Variants in SHISA7 observed in about 807,000 individuals in gnomAD.
SHISA7 encodes the protein protein shisa-7.
Under a neutral mutation model 23.9 loss-of-function variants are expected in SHISA7, and 6 were observed. That is an observed-to-expected ratio of 0.25 (90% CI 0.14 to 0.50). The LOEUF (loss-of-function observed/expected upper bound fraction) is 0.50. Among genes scored for constraint, SHISA7 ranks in the 20% least tolerant of loss-of-function variants. SHISA7 has a pLI of 0.98. For synonymous variants in SHISA7, 386 were observed against 398.3 expected (o/e 0.97, Z 0.37); for missense variants, 671 against 801.1 (o/e 0.84, Z 1.96).
At chr19:55,440,202 G>C (rs1210841741) in intron 2 of SHISA7, among the ~76,000 whole-genome samples, 2 of 152,156 alleles carry the variant, frequency 1.3e-5, no homozygotes, top group Non-Finnish European at 2.9e-5. Flanking sequence ...GCCCACAGAG[G>C]TGAGGTCACT....
At chr19:55,437,473 C>T in intron 3 of SHISA7, 132 bp downstream of exon 3, 1 of 1,207,520 alleles carries the variant, frequency 8.3e-7, no homozygotes, top group Non-Finnish European at 1.1e-6. Context: ...AATTCCAGAA[C>T]GAACTTGGAG....
At chr19:55,434,849 GCGTGT>G (rs1985370149) in intron 3 of SHISA7, among the ~76,000 whole-genome samples, 3 of 95,030 alleles carry the variant, frequency 3.2e-5, no homozygotes, top group East Asian at 3.5e-4. Context: ...GTGTGTGTGT[GCGTGT>G]GTGTATATGT....
rs1341889613 is a variant in SHISA7, at chr19:55,442,196, G to C, written c.668C>G (p.Pro223Arg). The part of the protein sequence containing the change: ...APRAHRDINV[P>R]RALVDILRHQ... ...TCCCGCCCGAGAGCACACGCACCTGGGCACGTTGATATCCCGGTGCGCCCG... is the reference window on the plus strand; with the variant it reads ...TCCCGCCCGAGAGCACACGCACCTGCGCACGTTGATATCCCGGTGCGCCCG... Residue 223 changes from proline (P) to arginine (R), a missense_variant, in exon 1 of 4, where the codon CCC becomes CGC. By Grantham distance (103) the Pro-to-Arg change is moderately radical (BLOSUM62 -2). Around this residue, in one of 5 missense-constraint regions of SHISA7, gnomAD observed 457 missense variants for 488.3 expected, o/e 0.94. Coordinates refer to ENST00000376325, the MANE Select transcript of SHISA7 (RefSeq NM_001145176.2). 1 of 1,533,274 alleles carries C rather than the reference G, an allele frequency of 6.5e-7. No individual in the cohort carries two copies. The highest frequency in any genetic ancestry group is 1.2e-5 in the South Asian group (1 of 83,938). The allele number at this position is 1,533,274 out of a possible 1,614,324, so 95.0% of individuals were successfully genotyped here.
At position 55,433,316 on chromosome 19, in the gene SHISA7, G is replaced by C. The variant is rs532701898; in HGVS notation, c.1457C>G (p.Pro486Arg). 2 of 1,482,772 alleles carry C rather than the reference G, an allele frequency of 1.3e-6. No individual in the cohort carries two copies. Among genetic ancestry groups the C allele is most frequent in the Non-Finnish European group, 8.9e-7 (1 of 1,125,150 alleles). The allele number at this position is 1,482,772 out of a possible 1,614,324, so 91.9% of individuals were successfully genotyped here. A position where few individuals can be genotyped will look rare whatever the true frequency, so the allele number is the denominator to read the frequency against. ...GGCGTCGGACATCCAGGCCGGCTGC[G>C]GCGAGCCGTGCAGGGCGTGGTGGTG... ...AHHHHALHGSPQPAWMSDAGG... is the reference protein window; with the variant it reads ...AHHHHALHGSRQPAWMSDAGG... The change falls in exon 4 of 4, where the codon CCG becomes CGG. Residue 486 changes from proline (P) to arginine (R), a missense_variant. Physicochemically the swap from Pro to Arg is moderately radical, Grantham distance 103. Around this residue, in one of 5 missense-constraint regions of SHISA7, gnomAD observed 457 missense variants for 488.3 expected, o/e 0.94. Coordinates refer to ENST00000376325, the MANE Select transcript of SHISA7 (RefSeq NM_001145176.2). This position sits in a 1 kb window ranked among gnomAD's most constrained non-coding sequence, Gnocchi z 8.4.
At position 55,443,231 on chromosome 19, in the gene SHISA7, A is replaced by AGAGGGGTGTGCAGACATTAG. The variant is rs554955318; in HGVS notation, c.-388_-369dup. 5.6e-3 allele frequency among the ~76,000 whole-genome samples: 845 copies of AGAGGGGTGTGCAGACATTAG among 150,784 alleles called. 6 individuals are homozygous for AGAGGGGTGTGCAGACATTAG. The highest frequency in any genetic ancestry group is 8.3e-3 in the Non-Finnish European group (565 of 67,752). Reference sequence around the variant, plus strand: ...GCGATTGGGAGGGTCGACAGACACCAGAGGGGTGTGCAGACATTAGGACGA... The same window carrying AGAGGGGTGTGCAGACATTAG: ...GCGATTGGGAGGGTCGACAGACACCAGAGGGGTGTGCAGACATTAGGAGGGGTGTGCAGACATTAGGACGA... On this transcript the variant is annotated 5_prime_UTR_variant, in exon 1 of 4. It adds an upstream start codon to the 5' untranslated region. Coordinates refer to ENST00000376325, the MANE Select transcript of SHISA7 (RefSeq NM_001145176.2).
At chr19:55,436,015 G>T (rs1363179424) in intron 3 of SHISA7, among the ~76,000 whole-genome samples, 1 of 152,124 alleles carries the variant, frequency 6.6e-6, no homozygotes, top group African/African-American at 2.4e-5. Flanking sequence ...GGCCGAGCAC[G>T]GTGGCTCACA....
intron 2 of SHISA7, chr19:55,438,751 C>T: frequency 3.2e-6 from 2 of 620,936 alleles, no homozygotes; most frequent in Non-Finnish European, 5.2e-6. Flanking sequence ...CTCGTTAGAG[C>T]TCCACAGATC....
Position 55,432,427 on chromosome 19 carries a change from G to A in SHISA7, c.*729C>T, listed in dbSNP as rs1473908701. ...GCACGGTCCCTCTGATGACGTCATA[G>A]GGCAAGGCACCTTCTCTGGTGATGG... is the stretch of plus-strand genomic sequence containing the variant. On this transcript the variant is annotated 3_prime_UTR_variant, in exon 4 of 4. Transcript: ENST00000376325. The surrounding 1 kb of genome is among the most constrained non-coding windows in gnomAD (Gnocchi z 4.6). 6.6e-6 allele frequency: 1 copy of A among 152,658 alleles called. No homozygotes were observed. The highest frequency in any genetic ancestry group is 1.9e-4 in the East Asian group (1 of 5,182). 9.5% of individuals were successfully genotyped at this position (152,658 alleles called of 1,614,324 possible).
At chr19:55,440,269 G>C (rs1184071794) in intron 2 of SHISA7, among the ~76,000 whole-genome samples, 1 of 152,154 alleles carries the variant, frequency 6.6e-6, no homozygotes, top group African/African-American at 2.4e-5. Context: ...TCTGGCTCCT[G>C]ACAAATTCGA....
rs1269446429 is a variant in SHISA7 at position 55,442,454 on chromosome 19, G to A, written c.410C>T (p.Ala137Val). The A allele has an allele frequency of 2.8e-6, 4 of 1,438,066 alleles. No individual in the cohort carries two copies. In the African/African-American group the frequency reaches 4.5e-5, roughly 16 times the overall value. The allele number at this position is 1,438,066 out of a possible 1,614,324, so 89.1% of individuals were successfully genotyped here. A position where few individuals can be genotyped will look rare whatever the true frequency, so the allele number is the denominator to read the frequency against. ...CCCAGCTAGCGGCGGCGGCGTGGTG[G>A]CCCAGCGCGGCGTGTCGTAGTTGGA... ...SCSNYDTPRW[A>V]TTPPPLAGGA... The change falls in exon 1 of 4, where the codon GCC becomes GTC. Residue 137 changes from alanine (A) to valine (V), a missense_variant. By Grantham distance (64) the Ala-to-Val change is moderately conservative (BLOSUM62 0). Coordinates refer to ENST00000376325, the MANE Select transcript of SHISA7 (RefSeq NM_001145176.2).
In SHISA7 at chr19:55,433,497, C is replaced by T. The variant is rs1448751232; in HGVS notation, c.1276G>A (p.Glu426Lys). 1.4e-6 allele frequency: 2 copies of T among 1,453,386 alleles called. No individual in the cohort carries two copies. The highest frequency in any genetic ancestry group is 1.8e-6 in the Non-Finnish European group (2 of 1,109,848). 90.0% of individuals were successfully genotyped at this position (1,453,386 alleles called of 1,614,324 possible). Residue 426 changes from glutamate (E) to lysine (K), a missense_variant, in exon 4 of 4, where the codon GAG (glutamate) becomes AAG (lysine). Physicochemically the swap from Glu to Lys is moderately conservative, Grantham distance 56. This residue lies in a region of SHISA7 where 457 missense variants were observed against 488.3 expected (regional missense o/e 0.94). Transcript: ENST00000376325. This position sits in a 1 kb window ranked among gnomAD's most constrained non-coding sequence, Gnocchi z 8.4. ...CTGCGCGGGGGCGACAGCAGGTGCT[C>T]GCGACTCTGGCGCAGGGCCTCGGGC... The part of the protein sequence containing the change: ...SSPEALRQSR[E>K]HLLSPPRSPA...
rs1238550794 is a variant in SHISA7 at position 55,432,982 on chromosome 19, T to C, written c.*174A>G. ...GGGAAGGAGGCCTTGGCTCAAGCAG[T>C]GAAGTAATAGGAGGAGGAATCTTGT... On this transcript the variant is annotated 3_prime_UTR_variant, in exon 4 of 4. Transcript: ENST00000376325. This position sits in a 1 kb window ranked among gnomAD's most constrained non-coding sequence, Gnocchi z 4.6. 1 of 791,396 alleles carries C rather than the reference T, an allele frequency of 1.3e-6. No homozygotes were observed. Among genetic ancestry groups the C allele is most frequent in the East Asian group, 3.4e-5 (1 of 29,544 alleles). 49.0% of individuals were successfully genotyped at this position (791,396 alleles called of 1,614,324 possible).
chr19:55,435,978 C>T (rs904299000), intron 3 of SHISA7, among the ~76,000 whole-genome samples: 2 of 151,852 alleles, frequency 1.3e-5, no homozygotes, highest in Non-Finnish European at 2.9e-5. Flanking sequence ...GTGTGTCTCA[C>T]GGGTCACAAT....
chr19:55,437,380 C>T (rs1985489259), intron 3 of SHISA7, among the ~76,000 whole-genome samples: 1 of 152,032 alleles, frequency 6.6e-6, no homozygotes, highest in African/African-American at 2.4e-5. Context: ...CTGATGAACA[C>T]CATAATATGT....
At chr19:55,434,082 G>A (rs1036790839) in intron 3 of SHISA7, among the ~76,000 whole-genome samples, 3 of 152,124 alleles carry the variant, frequency 2.0e-5, no homozygotes, top group Non-Finnish European at 4.4e-5. Context: ...CTCTCATCCT[G>A]TAGCAATGTG....
chr19:55,439,112 C>T (rs1454395662), intron 2 of SHISA7, among the ~76,000 whole-genome samples: 2 of 152,174 alleles, frequency 1.3e-5, no homozygotes, highest in Admixed American at 6.5e-5. Flanking sequence ...CCATCACCCA[C>T]GGGACAAAGT....
At chr19:55,438,392 C>T (rs1297538812) in intron 2 of SHISA7, among the ~76,000 whole-genome samples, 1 of 152,192 alleles carries the variant, frequency 6.6e-6, no homozygotes, top group Non-Finnish European at 1.5e-5. Context: ...GGCATCCACA[C>T]GAGGAAACAG....
At position 55,433,183 on chromosome 19, in the gene SHISA7, C is replaced by A; in HGVS notation, c.1590G>T (p.Thr530=). ...PGHHLPQHLR[T]ASKNEVTV is the part of the protein sequence containing the mutation. ...AGACAGTCACCTCGTTCTTGCTGGC[C>A]GTGCGCAGGTGCTGGGGCAGGTGGT... Residue 530 remains threonine (T), a synonymous_variant, in exon 4 of 4, where the codon ACG becomes ACT. Transcript: ENST00000376325. The surrounding 1 kb of genome is among the most constrained non-coding windows in gnomAD (Gnocchi z 8.4). 6.5e-7 allele frequency: 1 copy of A among 1,527,260 alleles called. No individual in the cohort carries two copies. The highest frequency in any genetic ancestry group is 8.8e-7 in the Non-Finnish European group (1 of 1,142,076). The allele number at this position is 1,527,260 out of a possible 1,614,324, so 94.6% of individuals were successfully genotyped here.
chr19:55,435,969 T>C (rs1985450042), intron 3 of SHISA7, among the ~76,000 whole-genome samples: 1 of 152,154 alleles, frequency 6.6e-6, no homozygotes, highest in Non-Finnish European at 1.5e-5. Flanking sequence ...TGTGTGTGTG[T>C]GTGTCTCACG....
Sources: gnomAD v4.1 joint callset for allele counts (sites outside exome capture counted in the v4.1 genomes callset) on GRCh38, gnomAD v4.1.1 for gene constraint, gnomAD v4.1.1 regional missense constraint, Gnocchi (gnomAD v3.1) non-coding constraint, MANE v1.5 for transcripts, NCBI Gene and HGNC (gene_info 2026-07-23, HGNC 2026-07-21) for gene names.